Variants in CSGALNACT1 observed in about 807,000 individuals in gnomAD.
CSGALNACT1 encodes the protein chondroitin sulfate N-acetylgalactosaminyltransferase 1.
A neutral mutation model predicts 51.0 loss-of-function variants in CSGALNACT1; 52 were observed. The observed-to-expected ratio is 1.02, with a 90% CI of 0.82 to 1.29. The LOEUF is 1.29. CSGALNACT1 is among the 50% of genes most tolerant of loss of function. The probability of loss-of-function intolerance (pLI) is 0.00; values close to 1 mark genes in which losing one functional copy is unlikely to be tolerated. For synonymous variants in CSGALNACT1, 341 were observed against 254.4 expected (o/e 1.34, Z -3.24); for missense variants, 935 against 679.2 (o/e 1.38, Z -4.19).
Position 19,573,044 on chromosome 8 carries a change from T to C in CSGALNACT1, c.-297+18116A>G, listed in dbSNP as rs114976345. Reference sequence around the variant, plus strand: ...TAACAAATACACAGGGGACAAAGGATGAAATGAACTGGAAGTGGGTTTTTC... The same window carrying C: ...TAACAAATACACAGGGGACAAAGGACGAAATGAACTGGAAGTGGGTTTTTC... On this transcript the variant is annotated intron_variant, in intron 3 of 9. Coordinates refer to ENST00000454498, the Ensembl canonical transcript of CSGALNACT1. Among the ~76,000 whole-genome samples, 1,432 of 152,302 alleles carry C rather than the reference T, an allele frequency of 9.4e-3. 23 individuals carry two copies. Among genetic ancestry groups the C allele is most frequent in the African/African-American group, 0.032 (1,333 of 41,572 alleles).
chr8:19,559,196 G>C (rs2040155734), intron 3 of CSGALNACT1, among the ~76,000 whole-genome samples: 1 of 152,026 alleles, frequency 6.6e-6, no homozygotes, highest in African/African-American at 2.4e-5. Flanking sequence ...CACAATTTTA[G>C]CAAACCAAAT....
rs74668091 is a variant in CSGALNACT1, at chr8:19,743,525, C to T, written c.-297+14325G>A. 2.5e-3 allele frequency among the ~76,000 whole-genome samples: 385 copies of T among 152,210 alleles called. 4 individuals are homozygous for T. The highest frequency in any genetic ancestry group is 8.9e-3 in the African/African-American group (369 of 41,526). On this transcript the variant is annotated intron_variant, in intron 1 of 1. Transcript: ENST00000517494. The stretch of plus-strand genomic sequence containing the variant: ...GACAAAATACTTGCAGCTAAATCAG[C>T]GATGCGAATATACTTTTGAATTAGA...
intron 3 of CSGALNACT1, among the ~76,000 whole-genome samples, chr8:19,578,854 C>G (rs1157734898): frequency 1.3e-5 from 2 of 152,158 alleles, no homozygotes; most frequent in African/African-American, 4.8e-5. Context: ...TTCATCCTAT[C>G]TGATATCAAG....
rs574401310 is a variant in CSGALNACT1, at chr8:19,747,777, T to C, written c.-297+10073A>G. Among the ~76,000 whole-genome samples, 93 of 151,688 alleles carry C rather than the reference T, an allele frequency of 6.1e-4. 1 individual carries two copies. The highest frequency in any genetic ancestry group is 3.4e-3 in the Middle Eastern group (1 of 294). The stretch of plus-strand genomic sequence containing the variant: ...TGTCTCCACCAAGCTAGTTTCCTAC[T>C]GTAGAAACTTGTCTACACCTCCAAC... On this transcript the variant is annotated intron_variant, in intron 1 of 1. Transcript: ENST00000517494.
At chr8:19,454,079 A>G (rs1018999611) in intron 5 of CSGALNACT1, among the ~76,000 whole-genome samples, 1 of 152,260 alleles carries the variant, frequency 6.6e-6, no homozygotes, top group Non-Finnish European at 1.5e-5. Context: ...ACACTTCACC[A>G]GATCATTTAA....
At position 19,521,480 on chromosome 8, in the gene CSGALNACT1, T is replaced by C. The variant is rs570784694; in HGVS notation, c.-296-15350A>G. On this transcript the variant is annotated intron_variant, in intron 3 of 9. Coordinates refer to ENST00000454498, the Ensembl canonical transcript of CSGALNACT1. ...GGTACATCACTTGAGGTCAGGAGTT[T>C]GAGAACAGCCTGGCCAACATGGTAG... Among the ~76,000 whole-genome samples, 24 of 152,216 alleles carry C rather than the reference T, an allele frequency of 1.6e-4. No homozygotes were observed. In the East Asian group the frequency reaches 4.5e-3, roughly 28 times the overall value.
At chr8:19,417,601 C>G (rs1490358189) in intron 8 of CSGALNACT1, among the ~76,000 whole-genome samples, 1 of 152,230 alleles carries the variant, frequency 6.6e-6, no homozygotes, top group Non-Finnish European at 1.5e-5. Flanking sequence ...CAGGTTCCCA[C>G]AGCAGATGTC....
At chr8:19,592,813 TAAC>T (rs1033216633) in intron 2 of CSGALNACT1, among the ~76,000 whole-genome samples, 13 of 152,150 alleles carry the variant, frequency 8.5e-5, no homozygotes, top group African/African-American at 3.1e-4. Context: ...TGTAAAATGT[TAAC>T]AACAGGTCAA....
intron 1 of CSGALNACT1, among the ~76,000 whole-genome samples, chr8:19,627,735 GGATCACTT>G (rs1564293433): frequency 1.3e-5 from 2 of 152,316 alleles, no homozygotes; most frequent in South Asian, 4.1e-4. Flanking sequence ...TCAGGTGGGA[GGATCACTT>G]GAGCCTAGGA....
chr8:19,481,834 T>C (rs2071481893), intron 4 of CSGALNACT1, among the ~76,000 whole-genome samples: 3 of 152,204 alleles, frequency 2.0e-5, no homozygotes, highest in Admixed American at 2.0e-4. Context: ...CCATCTTATG[T>C]GCAAAGCTAA....
intron 4 of CSGALNACT1, among the ~76,000 whole-genome samples, chr8:19,502,960 G>T (rs1313049995): frequency 2.9e-5 from 3 of 103,106 alleles, no homozygotes; most frequent in African/African-American, 8.0e-5. Flanking sequence ...ATCCCACTTT[G>T]TTCTGAAACA....
intron 1 of CSGALNACT1, among the ~76,000 whole-genome samples, chr8:19,671,440 C>A (rs1284479371): frequency 6.6e-6 from 1 of 152,110 alleles, no homozygotes; most frequent in Non-Finnish European, 1.5e-5. Context: ...GGAAAACCCA[C>A]AAGTAAAATT....
chr8:19,653,136 T>C (rs1161309172), intron 1 of CSGALNACT1, among the ~76,000 whole-genome samples: 1 of 152,174 alleles, frequency 6.6e-6, no homozygotes, highest in Non-Finnish European at 1.5e-5. Context: ...TCTCTCTTGA[T>C]GGAACCAGTA....
At chr8:19,505,134 C>T (rs545842619) in intron 4 of CSGALNACT1, 67 bp downstream of exon 3, 1 of 1,593,276 alleles carries the variant, frequency 6.3e-7, no homozygotes, top group South Asian at 1.1e-5. Context: ...GAGCTGGAAC[C>T]TGCCTGGGTG....
chr8:19,716,893 C>A (rs2062844266), intron 1 of CSGALNACT1, among the ~76,000 whole-genome samples: 1 of 152,128 alleles, frequency 6.6e-6, no homozygotes, highest in South Asian at 2.1e-4. Context: ...TCATCCTTTT[C>A]TGCAAGTTCT....
chr8:19,676,099 A>C (rs527846558), intron 1 of CSGALNACT1, among the ~76,000 whole-genome samples: 6 of 133,810 alleles, frequency 4.5e-5, no homozygotes, highest in African/African-American at 1.2e-4. Context: ...AACAAAACAA[A>C]ACAAAAAAAA....
chr8:19,548,371 A>G (rs2154078991), intron 3 of CSGALNACT1, among the ~76,000 whole-genome samples: 1 of 152,260 alleles, frequency 6.6e-6, no homozygotes, highest in South Asian at 2.1e-4. Context: ...ACCAACCATG[A>G]CTCTAAACTC....
chr8:19,535,790 T>G (rs1485129538), intron 3 of CSGALNACT1, among the ~76,000 whole-genome samples: 1 of 152,116 alleles, frequency 6.6e-6, no homozygotes, highest in Non-Finnish European at 1.5e-5. Context: ...CCATTCACAA[T>G]TTAAAACTCT....
chr8:19,615,220 T>C (rs2154155282), intron 1 of CSGALNACT1, among the ~76,000 whole-genome samples: 1 of 152,230 alleles, frequency 6.6e-6, no homozygotes, highest in East Asian at 1.9e-4. Flanking sequence ...GGAGAATCAG[T>C]TGAACCCGGG....
Sources: gnomAD v4.1 joint callset for allele counts (sites outside exome capture counted in the v4.1 genomes callset) on GRCh38, gnomAD v4.1.1 for gene constraint, MANE v1.5 for transcripts, NCBI Gene and HGNC (gene_info 2026-07-23, HGNC 2026-07-21) for gene names.